Variants in FGF12 observed in about 807,000 individuals in gnomAD.
FGF12 encodes fibroblast growth factor 12B.
In FGF12, 14 loss-of-function variants were observed where a neutral mutation model predicts 23.6. The observed-to-expected ratio is 0.59, with a 90% CI of 0.39 to 0.93. The LOEUF (loss-of-function observed/expected upper bound fraction) is 0.93, where lower values mean the gene tolerates loss of function less well. FGF12 is among the 40% of genes least tolerant of loss of function. The pLI is 0.00. For missense variants in FGF12, 175 were observed against 217.8 expected (o/e 0.80, Z 1.24); for synonymous variants, 62 against 77.3 (o/e 0.80, Z 1.04).
At chr3:192,542,548 T>C (rs1026654562) in intron 2 of FGF12, among the ~76,000 whole-genome samples, 5 of 152,306 alleles carry the variant, frequency 3.3e-5, no homozygotes, top group Admixed American at 2.0e-4. Context: ...CTGGATAATC[T>C]TGATGCTTGT....
chr3:192,596,628 G>A (rs192190986), intron 2 of FGF12, among the ~76,000 whole-genome samples: 65 of 152,204 alleles, frequency 4.3e-4, no homozygotes, highest in African/African-American at 1.5e-3. Context: ...TTGCTCACCA[G>A]GATTATTTAC....
Position 192,360,876 on chromosome 3 carries a change from AATT to A in FGF12, c.14-341_14-339del, listed in dbSNP as rs1718692247. ...CACCAACTTTATAGTCCCATTCCAG[AATT>A]ATTGTTTAGGCCAAAATGCCTCTGT... On this transcript the variant is annotated intron_variant, in intron 2 of 5. Coordinates refer to ENST00000445105, the MANE Select transcript of FGF12 (RefSeq NM_004113.6). This position sits in a 1 kb window ranked among gnomAD's most constrained non-coding sequence, Gnocchi z 4.3. Among the ~76,000 whole-genome samples the A allele has an allele frequency of 6.6e-6, 1 of 152,224 alleles. No homozygotes were observed. Among genetic ancestry groups the A allele is most frequent in the Admixed American group, 6.5e-5 (1 of 15,276 alleles).
At chr3:192,472,829 T>C (rs528355751) in intron 2 of FGF12, among the ~76,000 whole-genome samples, 21 of 152,298 alleles carry the variant, frequency 1.4e-4, no homozygotes, top group Middle Eastern at 3.4e-3. Context: ...AAAGCCTGTG[T>C]CTCCATGATT....
intron 4 of FGF12, among the ~76,000 whole-genome samples, chr3:192,180,774 G>T (rs1360304429): frequency 6.6e-6 from 1 of 152,136 alleles, no homozygotes; most frequent in Non-Finnish European, 1.5e-5. Flanking sequence ...TATAAAACTG[G>T]ACAAAGTATA....
intron 2 of FGF12, among the ~76,000 whole-genome samples, chr3:192,556,201 C>T (rs1291574974): frequency 6.6e-6 from 1 of 152,110 alleles, no homozygotes; most frequent in Non-Finnish European, 1.5e-5. Context: ...ATAGATTAAA[C>T]TCTTCAATCA....
intron 4 of FGF12, among the ~76,000 whole-genome samples, chr3:192,224,045 T>C (rs1009754095): frequency 3.3e-5 from 5 of 152,112 alleles, no homozygotes; most frequent in African/African-American, 1.2e-4. Flanking sequence ...CCAAATCTAA[T>C]ACTACCACTG....
intron 2 of FGF12, among the ~76,000 whole-genome samples, chr3:192,584,719 C>T (rs1713302169): frequency 6.6e-6 from 1 of 152,152 alleles, no homozygotes; most frequent in Admixed American, 6.5e-5. Context: ...TTGTCTGATC[C>T]TCAGGCTATC....
intron 5 of FGF12, among the ~76,000 whole-genome samples, chr3:192,146,134 C>T (rs1447383075): frequency 6.6e-6 from 1 of 152,138 alleles, no homozygotes; most frequent in African/African-American, 2.4e-5. Flanking sequence ...CAGGTCACCC[C>T]ACAGATTGCT....
In FGF12 at chr3:192,336,798, T is replaced by G. The variant is rs565602733; in HGVS notation, c.125-1334A>C. ...CAATAGTAAGCTAAACACACACACA[T>G]GCAGACACACACACTCACAGTATTT... On this transcript the variant is annotated intron_variant, in intron 3 of 5. Coordinates refer to ENST00000445105, the MANE Select transcript of FGF12 (RefSeq NM_004113.6). This position sits in a 1 kb window ranked among gnomAD's most constrained non-coding sequence, Gnocchi z 4.3. Among the ~76,000 whole-genome samples the G allele has an allele frequency of 2.0e-5, 3 of 152,174 alleles. No individual in the cohort carries two copies. The highest frequency in any genetic ancestry group is 4.4e-5 in the Non-Finnish European group (3 of 67,944).
chr3:192,556,768 A>C (rs1356069146), intron 2 of FGF12, among the ~76,000 whole-genome samples: 1 of 152,158 alleles, frequency 6.6e-6, no homozygotes, highest in African/African-American at 2.4e-5. Context: ...TTGGGTCGCA[A>C]AAGGAGTTTT....
rs182359944 is a variant in FGF12, at chr3:192,340,904, T to C, written c.125-5440A>G. ...AAGTCAACATTGGCCTTAGCAATGA[T>C]TTATTTCTTGGATAACGAAAAGCAC... On this transcript the variant is annotated intron_variant, in intron 3 of 5. Coordinates refer to ENST00000445105, the MANE Select transcript of FGF12 (RefSeq NM_004113.6). 2.0e-5 allele frequency among the ~76,000 whole-genome samples: 3 copies of C among 152,268 alleles called. No homozygotes were observed. The East Asian group carries it at 5.8e-4, about 29-fold the overall frequency.
intron 2 of FGF12, among the ~76,000 whole-genome samples, chr3:192,686,914 C>T (rs529992938): frequency 2.2e-4 from 32 of 143,312 alleles, no homozygotes; most frequent in African/African-American, 6.8e-4. Flanking sequence ...CTGCAAGCTC[C>T]GGCTTCTGGG....
At chr3:192,402,979 G>C (rs778813063) in intron 2 of FGF12, among the ~76,000 whole-genome samples, 6 of 152,038 alleles carry the variant, frequency 3.9e-5, no homozygotes, top group Non-Finnish European at 7.4e-5. Context: ...GTCTAACAAG[G>C]CTGTTTTGTG....
rs186428417 is a variant in FGF12, at chr3:192,252,407, G to T, written c.229-81751C>A. Among the ~76,000 whole-genome samples, 154 of 128,038 alleles carry T rather than the reference G, an allele frequency of 1.2e-3. 5 individuals carry two copies. Among genetic ancestry groups the T allele is most frequent in the Non-Finnish European group, 4.2e-4 (27 of 63,854 alleles). 84.0% of individuals were successfully genotyped at this position (128,038 alleles called of 152,430 possible). The stretch of plus-strand genomic sequence containing the variant: ...GAACCCAGGAAGTGGAGGTTGCAGT[G>T]AGCCCAGATCATGCCCCTGCACTCC... On this transcript the variant is annotated intron_variant, in intron 4 of 5. Transcript: ENST00000445105.
At chr3:192,287,182 C>T (rs1403035) in intron 4 of FGF12, among the ~76,000 whole-genome samples, 6 of 151,776 alleles carry the variant, frequency 4.0e-5, no homozygotes, top group South Asian at 2.1e-4. Context: ...CTAATCACAT[C>T]GACTACCATA....
At chr3:192,674,580 T>A (rs898297452) in intron 2 of FGF12, among the ~76,000 whole-genome samples, 3 of 152,194 alleles carry the variant, frequency 2.0e-5, no homozygotes, top group African/African-American at 4.8e-5. Context: ...CCTAAGTTGC[T>A]TTCCACTGTA....
chr3:192,482,925 C>G (rs1723520030), intron 2 of FGF12, among the ~76,000 whole-genome samples: 1 of 152,124 alleles, frequency 6.6e-6, no homozygotes. Context: ...AACACTGATT[C>G]ATTTCCTTGT....
At chr3:192,342,711 G>A (rs1717753744) in intron 3 of FGF12, among the ~76,000 whole-genome samples, 1 of 152,092 alleles carries the variant, frequency 6.6e-6, no homozygotes, top group African/African-American at 2.4e-5. Context: ...AGGAATTCAA[G>A]GCTGCAGTTA....
intron 2 of FGF12, among the ~76,000 whole-genome samples, chr3:192,523,367 G>A (rs930772003): frequency 2.6e-5 from 4 of 152,144 alleles, no homozygotes; most frequent in African/African-American, 9.7e-5. Context: ...TAAATCTGAG[G>A]TGCTACTCTT....
Sources: gnomAD v4.1 joint callset for allele counts (sites outside exome capture counted in the v4.1 genomes callset) on GRCh38, gnomAD v4.1.1 for gene constraint, Gnocchi (gnomAD v3.1) non-coding constraint, MANE v1.5 for transcripts, NCBI Gene and HGNC (gene_info 2026-07-23, HGNC 2026-07-21) for gene names.